Variants in PRKCQ observed in about 807,000 individuals in gnomAD.
The protein encoded by PRKCQ is protein kinase C theta type.
A neutral mutation model predicts 91.2 loss-of-function variants in PRKCQ; 41 were observed. The observed-to-expected ratio is 0.45, with a 90% CI of 0.35 to 0.58. The LOEUF (loss-of-function observed/expected upper bound fraction) is 0.58, where lower values mean the gene tolerates loss of function less well. Among genes scored for constraint, PRKCQ ranks in the 20% least tolerant of loss-of-function variants. PRKCQ has a pLI of 0.00. For missense variants in PRKCQ, 673 were observed against 896.5 expected (o/e 0.75, Z 3.18); for synonymous variants, 307 against 316.9 (o/e 0.97, Z 0.33).
chr10:6,411,800 A>T, the PRKCQ span, among the ~76,000 whole-genome samples: 1 of 152,218 alleles, frequency 6.6e-6, no homozygotes, highest in Non-Finnish European at 1.5e-5. Context: ...CCTGAGGGCC[A>T]CATCTTATCA....
At chr10:6,489,059 A>G in intron 8 of PRKCQ, among the ~76,000 whole-genome samples, 1 of 152,168 alleles carries the variant, frequency 6.6e-6, no homozygotes, top group Non-Finnish European at 1.5e-5. Context: ...CTGGGATTAC[A>G]GGTCTGTTAC....
At chr10:6,554,336 G>A (rs1192555213) in intron 1 of PRKCQ, among the ~76,000 whole-genome samples, 1 of 152,196 alleles carries the variant, frequency 6.6e-6, no homozygotes, top group Non-Finnish European at 1.5e-5. Flanking sequence ...TCCAAACTGG[G>A]AATTAAAGTG....
downstream of PRKCQ, chr10:6,427,098 A>T (rs1485905156): frequency 6.6e-6 from 1 of 152,174 alleles, no homozygotes; most frequent in Non-Finnish European, 1.5e-5. Context: ...ACACAGCAGA[A>T]GCAAGTTCTT....
chr10:6,489,404 G>A (rs376308770), intron 8 of PRKCQ: 50 of 530,896 alleles, frequency 9.4e-5, no homozygotes, highest in African/African-American at 7.9e-4. Flanking sequence ...AACCTATCAG[G>A]CCGTAACTCA....
intron 15 of PRKCQ, among the ~76,000 whole-genome samples, chr10:6,442,592 G>A (rs1028724450): frequency 3.3e-5 from 5 of 152,154 alleles, no homozygotes; most frequent in African/African-American, 1.2e-4. Flanking sequence ...TTCAGTTCAG[G>A]GGGCACAACT....
At chr10:6,553,522 C>CAAA in intron 1 of PRKCQ, among the ~76,000 whole-genome samples, 1 of 58,160 alleles carries the variant, frequency 1.7e-5, no homozygotes, top group Admixed American at 1.7e-4. Context: ...AAAAAACAAA[C>CAAA]AAACAAAAGA....
rs773438094 is a variant in PRKCQ, at chr10:6,464,372, G to A, written c.1386C>T (p.Asn462=). 23 of 1,612,584 alleles carry A rather than the reference G, an allele frequency of 1.4e-5. No individual in the cohort carries two copies. Among genetic ancestry groups the A allele is most frequent in the East Asian group, 4.5e-5 (2 of 44,886 alleles). ...GGATGTGGTACATTAAGTCCCCTCC[G>A]TTGAGGTACTCCATCACAAAAAAGA... The part of the protein sequence containing the change: ...ENLFFVMEYL[N]GGDLMYHIQS... Residue 462 remains asparagine, a synonymous_variant, in exon 13 of 18, where the codon AAC becomes AAT. Transcript: ENST00000263125.
At chr10:6,420,011 A>G in the PRKCQ span, among the ~76,000 whole-genome samples, 3 of 150,474 alleles carry the variant, frequency 2.0e-5, no homozygotes, top group African/African-American at 7.4e-5. Flanking sequence ...TTTTTGAGAC[A>G]GAGTCTCACT....
intron 16 of PRKCQ, among the ~76,000 whole-genome samples, chr10:6,439,687 G>A (rs1044918838): frequency 9.7e-6 from 1 of 102,966 alleles, no homozygotes; most frequent in Non-Finnish European, 2.4e-5. Context: ...TTTCTTAATA[G>A]AATTTTCTTC....
At chr10:6,451,710 A>G in intron 15 of PRKCQ, among the ~76,000 whole-genome samples, 1 of 152,158 alleles carries the variant, frequency 6.6e-6, no homozygotes, top group Admixed American at 6.5e-5. Context: ...CCAGCAGCAC[A>G]TTAAAAAGCT....
At chr10:6,563,670 G>A (rs748790053) in intron 1 of PRKCQ, among the ~76,000 whole-genome samples, 11 of 151,878 alleles carry the variant, frequency 7.2e-5, no homozygotes, top group Non-Finnish European at 1.5e-4. Context: ...TCCTGTACAG[G>A]GTTTTCTGGT....
chr10:6,553,519 AAACAAACAAAAG>A (rs1840288104), intron 1 of PRKCQ, among the ~76,000 whole-genome samples: 2 of 54,464 alleles, frequency 3.7e-5, no homozygotes, highest in African/African-American at 1.1e-4. Context: ...AAAAAAAAAC[AAACAAACAAAAG>A]AAGAAGAAGA....
the PRKCQ span, among the ~76,000 whole-genome samples, chr10:6,407,570 T>C: frequency 3.9e-5 from 6 of 152,028 alleles, no homozygotes; most frequent in African/African-American, 1.4e-4. The surrounding 1 kb of genome is among the most constrained non-coding windows in gnomAD (Gnocchi z 4.0). Flanking sequence ...GTATGGCGTG[T>C]GAATGTGTGA....
intron 12 of PRKCQ, among the ~76,000 whole-genome samples, chr10:6,467,926 G>A (rs1403656676): frequency 6.6e-6 from 1 of 152,192 alleles, no homozygotes; most frequent in East Asian, 1.9e-4. Flanking sequence ...TGGTATTTAA[G>A]TTGGGTGCAG....
rs148844515 is a variant in PRKCQ, at chr10:6,568,958, G to A, written c.-10+11253C>T. Among the ~76,000 whole-genome samples the A allele has an allele frequency of 4.0e-3, 602 of 152,152 alleles. 4 individuals are homozygous for A. Among genetic ancestry groups the A allele is most frequent in the Admixed American group, 0.011 (172 of 15,284 alleles). On this transcript the variant is annotated intron_variant, in intron 1 of 17. Coordinates refer to ENST00000263125, the MANE Select transcript of PRKCQ (RefSeq NM_006257.5). Reference sequence around the variant, plus strand: ...AACATTTCCCACCCCCTTCAGCTCTGATTTCTGGTAGAATTTATCTAGATA... The same window carrying A: ...AACATTTCCCACCCCCTTCAGCTCTAATTTCTGGTAGAATTTATCTAGATA...
chr10:6,456,721 C>A lies in PRKCQ; in HGVS notation c.1600G>T (p.Ala534Ser), dbSNP rs1443554970. 6.2e-7 allele frequency: 1 copy of A among 1,614,032 alleles called. No individual in the cohort carries two copies. The highest frequency in any genetic ancestry group is 8.5e-7 in the Non-Finnish European group (1 of 1,180,030). ...GMCKENMLGD[A>S]KTNTFCGTPD... is the part of the protein sequence containing the mutation. ...GTCCCACAGAAGGTATTCGTCTTGG[C>A]ATCTCCTAACATGTTCTCCTTGCAC... Residue 534 changes from alanine to serine, a missense_variant, in exon 15 of 18, where the codon GCC becomes TCC. By Grantham distance (99) the Ala-to-Ser change is moderately conservative. Transcript: ENST00000263125.
intron 1 of PRKCQ, among the ~76,000 whole-genome samples, chr10:6,572,855 G>A (rs188693313): frequency 1.2e-4 from 18 of 152,258 alleles, no homozygotes; most frequent in African/African-American, 4.1e-4. Flanking sequence ...ACCACCAAGA[G>A]TGTAAAAGCG....
chr10:6,446,653 A>G (rs1564302429), intron 15 of PRKCQ, among the ~76,000 whole-genome samples: 2 of 152,242 alleles, frequency 1.3e-5, no homozygotes, highest in East Asian at 3.9e-4. Context: ...GGCATGAGCC[A>G]CCATGCCCGG....
chr10:6,545,607 T>C (rs2130924198), intron 1 of PRKCQ, among the ~76,000 whole-genome samples: 1 of 152,286 alleles, frequency 6.6e-6, no homozygotes, highest in South Asian at 2.1e-4. Context: ...GGGGAATTCA[T>C]GCTTGATGGG....
Sources: gnomAD v4.1 joint callset for allele counts (sites outside exome capture counted in the v4.1 genomes callset) on GRCh38, gnomAD v4.1.1 for gene constraint, Gnocchi (gnomAD v3.1) non-coding constraint, MANE v1.5 for transcripts, NCBI Gene and HGNC (gene_info 2026-07-23, HGNC 2026-07-21) for gene names.